ELOVL4: variants seen among roughly 807,000 people sequenced by gnomAD.
ELOVL4 encodes very long chain fatty acid elongase 4.
A neutral mutation model predicts 42.1 loss-of-function variants in ELOVL4; 18 were observed. The observed-to-expected ratio is 0.43, with a 90% CI of 0.30 to 0.63. The LOEUF (loss-of-function observed/expected upper bound fraction) is 0.63, where lower values mean the gene tolerates loss of function less well. ELOVL4 is among the 30% of genes least tolerant of loss of function. ELOVL4 has a pLI of 0.15. For synonymous variants in ELOVL4, 117 were observed against 127.0 expected, an observed-to-expected ratio of 0.92 and a Z score of 0.53; for missense variants, 299 against 376.2, an observed-to-expected ratio of 0.79 and a Z score of 1.70.
At position 79,947,214 on chromosome 6, in the gene ELOVL4, C is replaced by T. The variant is rs1774763179; in HGVS notation, c.66G>A (p.Thr22=). 1.2e-6 allele frequency: 2 copies of T among 1,613,146 alleles called. No individual in the cohort carries two copies. Among genetic ancestry groups the T allele is most frequent in the Middle Eastern group, 1.7e-4 (1 of 6,056 alleles). The part of the protein sequence containing the change: ...LNVVSTALND[T]VEFYRWTWSI... ...ACCAGGTCCAGCGGTAGAACTCTAC[C>T]GTGTCGTTGAGTGCCGTGGACACTA... The change falls in exon 1 of 6, where the codon ACG becomes ACA. Residue 22 remains threonine (T), a synonymous_variant. Transcript: ENST00000369816.
rs1339623363 is a variant in ELOVL4, at chr6:79,925,175, C to A, written c.289-143G>T. 2.9e-5 allele frequency: 18 copies of A among 620,968 alleles called. No homozygotes were observed. In the Admixed American group the frequency reaches 4.8e-4, roughly 17 times the overall value. 38.5% of individuals were successfully genotyped at this position (620,968 alleles called of 1,614,324 possible). ...TTTCAAATGCATTAAAAATTTCATGCATTCCGATTGCTAGAAGTTACTGTG... is the reference window on the plus strand; with the variant it reads ...TTTCAAATGCATTAAAAATTTCATGAATTCCGATTGCTAGAAGTTACTGTG... On this transcript the variant is annotated intron_variant, in intron 2 of 5. Transcript: ENST00000369816.
intron 2 of ELOVL4, 137 bp from the exon 3 acceptor site, chr6:79,925,169 T>C: frequency 1.6e-6 from 1 of 633,432 alleles, no homozygotes; most frequent in South Asian, 1.9e-5. Flanking sequence ...CATTAAAAAT[T>C]TCATGCATTC....
Position 79,916,875 on chromosome 6 carries a change from G to C in ELOVL4, c.678C>G (p.Phe226Leu). Residue 226 changes from phenylalanine to leucine, a missense_variant, in exon 6 of 6, where the codon TTC becomes TTG. Transcript: ENST00000369816. ...RYLTMLQLIQ[F>L]HVTIGHTALS... ...GTGCCGTGTGCCCAATGGTCACATGGAATTGAATCTGAAAAACAGAAATGA... is the reference window on the plus strand; with the variant it reads ...GTGCCGTGTGCCCAATGGTCACATGCAATTGAATCTGAAAAACAGAAATGA... 6.2e-7 allele frequency: 1 copy of C among 1,614,084 alleles called. No individual in the cohort carries two copies. The highest frequency in any genetic ancestry group is 8.5e-7 in the Non-Finnish European group (1 of 1,179,994).
At position 79,925,010 on chromosome 6, in the gene ELOVL4, G is replaced by T. The variant is rs200915130; in HGVS notation, c.311C>A (p.Ala104Glu). The change falls in exon 3 of 6, where the codon GCG becomes GAG. Residue 104 changes from alanine (A) to glutamate (E), a missense_variant. By Grantham distance (107) the Ala-to-Glu change is moderately radical. Coordinates refer to ENST00000369816, the MANE Select transcript of ELOVL4 (RefSeq NM_022726.4). ...ACTCTGGCAAATATAGCTATATCCC[G>T]CATTATATGATCCCATGAATAACTG... ...FRELFMGSYN[A>E]GYSYICQSVD... is the part of the protein sequence containing the mutation. 2 of 1,604,124 alleles carry T rather than the reference G, an allele frequency of 1.2e-6. No individual in the cohort carries two copies. The highest frequency in any genetic ancestry group is 1.7e-6 in the Non-Finnish European group (2 of 1,171,374).
intron 1 of ELOVL4, among the ~76,000 whole-genome samples, chr6:79,944,356 C>A (rs774355548): frequency 6.6e-6 from 1 of 152,156 alleles, no homozygotes; most frequent in Non-Finnish European, 1.5e-5. Flanking sequence ...TACTCTAATA[C>A]TAACAACTAG....
In ELOVL4 at chr6:79,916,783, C is replaced by T. The variant is rs1207102482; in HGVS notation, c.770G>A (p.Ser257Asn). Reference protein sequence around the residue: ...MHWALIAYAISFIFLFLNFYI... With the variant: ...MHWALIAYAINFIFLFLNFYI... ...GAAGTTAAGAAAGAGAAATATGAAG[C>T]TGATTGCATAGGCAATTAGAGCCCA... Residue 257 changes from serine to asparagine, a missense_variant, in exon 6 of 6, where the codon AGC becomes AAC. Coordinates refer to ENST00000369816, the MANE Select transcript of ELOVL4 (RefSeq NM_022726.4). 2 of 1,614,012 alleles carry T rather than the reference C, an allele frequency of 1.2e-6. No homozygotes were observed. Among genetic ancestry groups the T allele is most frequent in the Non-Finnish European group, 1.7e-6 (2 of 1,180,032 alleles).
intron 2 of ELOVL4, among the ~76,000 whole-genome samples, chr6:79,925,322 G>C (rs1774325399): frequency 6.6e-6 from 1 of 152,124 alleles, no homozygotes. Context: ...CTAGGACTCA[G>C]ATTTCAAAGT....
intron 1 of ELOVL4, among the ~76,000 whole-genome samples, chr6:79,931,205 T>C (rs1774437375): frequency 1.3e-5 from 2 of 152,064 alleles, no homozygotes; most frequent in Admixed American, 6.6e-5. Flanking sequence ...CTTATTAACA[T>C]GTTTGTACCT....
At chr6:79,921,451 C>T (rs1476640099) in intron 4 of ELOVL4, among the ~76,000 whole-genome samples, 174 bp downstream of exon 4, 3 of 91,728 alleles carry the variant, frequency 3.3e-5, no homozygotes, top group Non-Finnish European at 5.8e-5. Context: ...CAGAGCGAGA[C>T]TCCATCTCAA....
At chr6:79,936,939 C>A (rs1167675730) in intron 1 of ELOVL4, among the ~76,000 whole-genome samples, 2 of 152,138 alleles carry the variant, frequency 1.3e-5, no homozygotes, top group African/African-American at 2.4e-5. Flanking sequence ...TCTGTTCTAA[C>A]CCCTATGTAC....
chr6:79,928,585 C>T (rs1774385756), intron 1 of ELOVL4, among the ~76,000 whole-genome samples: 1 of 151,816 alleles, frequency 6.6e-6, no homozygotes, highest in African/African-American at 2.4e-5. Flanking sequence ...GGGAAAGAGA[C>T]ACTAGTGAGA....
rs1234713224 is a variant in ELOVL4, at chr6:79,916,865, T to C, written c.688A>G (p.Ile230Val). 1.2e-6 allele frequency: 2 copies of C among 1,613,986 alleles called. No individual in the cohort carries two copies. The highest frequency in any genetic ancestry group is 1.7e-6 in the Non-Finnish European group (2 of 1,180,014). ...MLQLIQFHVTIGHTALSLYTD... is the reference protein window; with the variant it reads ...MLQLIQFHVTVGHTALSLYTD... Reference sequence around the variant, plus strand: ...TAAAGAGACAGTGCCGTGTGCCCAATGGTCACATGGAATTGAATCTGAAAA... The same window carrying C: ...TAAAGAGACAGTGCCGTGTGCCCAACGGTCACATGGAATTGAATCTGAAAA... Residue 230 changes from isoleucine to valine, a missense_variant, in exon 6 of 6, where the codon ATT becomes GTT. Physicochemically the swap from Ile to Val is conservative, Grantham distance 29. Transcript: ENST00000369816.
intron 1 of ELOVL4, among the ~76,000 whole-genome samples, chr6:79,943,168 T>C (rs1423651955): frequency 6.6e-6 from 1 of 152,164 alleles, no homozygotes; most frequent in Non-Finnish European, 1.5e-5. Context: ...CTGTGACGAA[T>C]AATAAAATTA....
At chr6:79,916,992 G>T in intron 5 of ELOVL4, 109 bp from the exon 6 acceptor site, 1 of 1,266,338 alleles carries the variant, frequency 7.9e-7, no homozygotes, top group Non-Finnish European at 1.1e-6. Flanking sequence ...TTGCCACACT[G>T]TGCAAAATTT....
At chr6:79,938,359 T>G (rs993454076) in intron 1 of ELOVL4, among the ~76,000 whole-genome samples, 13 of 152,174 alleles carry the variant, frequency 8.5e-5, no homozygotes, top group African/African-American at 3.1e-4. Context: ...AAGATACCAT[T>G]AGAGTGTGTG....
intron 1 of ELOVL4, among the ~76,000 whole-genome samples, chr6:79,943,543 TGAGAAGA>T (rs1250423917): frequency 6.6e-6 from 1 of 152,188 alleles, no homozygotes; most frequent in Non-Finnish European, 1.5e-5. Flanking sequence ...GAAGTAGAGA[TGAGAAGA>T]GCAGGGAAGG....
chr6:79,919,290 C>T (rs566752852), intron 5 of ELOVL4, 130 bp downstream of exon 5: 61 of 1,036,292 alleles, frequency 5.9e-5, no homozygotes, highest in East Asian at 5.1e-4. Flanking sequence ...GGCATAACTG[C>T]GATATAGCTG....
chr6:79,932,775 C>T (rs959490449), intron 1 of ELOVL4, among the ~76,000 whole-genome samples: 5 of 152,156 alleles, frequency 3.3e-5, no homozygotes, highest in Admixed American at 6.6e-5. Context: ...GAGGAAGAGA[C>T]AGACATGAGA....
At chr6:79,919,687 G>A (rs1774219716) in intron 4 of ELOVL4, 140 bp from the exon 5 acceptor site, 1 of 763,894 alleles carries the variant, frequency 1.3e-6, no homozygotes. Flanking sequence ...ATATAAAGTA[G>A]TACTAATGAA....
Sources: gnomAD v4.1 joint callset for allele counts (sites outside exome capture counted in the v4.1 genomes callset) on GRCh38, gnomAD v4.1.1 for gene constraint, MANE v1.5 for transcripts, NCBI Gene and HGNC (gene_info 2026-07-23, HGNC 2026-07-21) for gene names.